The following CABLES1 variants were observed in gnomAD, a reference collection of about 807,000 sequenced individuals.
The protein encoded by CABLES1 is Cdk5 and Abl enzyme substrate 1, also known as CDK5 and ABL1 enzyme substrate 1.
In CABLES1, 36 loss-of-function variants were observed where a neutral mutation model predicts 57.8. The ratio of observed to expected loss-of-function variants is 0.62; its 90% CI spans 0.48 to 0.82. CABLES1 has a LOEUF of 0.82. Among genes scored for constraint, CABLES1 ranks in the 40% least tolerant of loss-of-function variants. The probability of loss-of-function intolerance (pLI) is 0.00; values close to 1 mark genes in which losing one functional copy is unlikely to be tolerated. For synonymous variants in CABLES1, 374 were observed against 363.0 expected (o/e 1.03, Z -0.35); for missense variants, 767 against 836.6 (o/e 0.92, Z 1.03).
chr18:23,148,379 C>A (rs1200135148), intron 1 of CABLES1, among the ~76,000 whole-genome samples: 2 of 152,162 alleles, frequency 1.3e-5, no homozygotes, highest in Non-Finnish European at 2.9e-5. Flanking sequence ...GAGTTGGGTG[C>A]TACGTGGGTG....
intron 1 of CABLES1, among the ~76,000 whole-genome samples, chr18:23,183,526 C>T (rs1039778831): frequency 2.0e-4 from 30 of 152,192 alleles, no homozygotes; most frequent in African/African-American, 7.2e-4. Flanking sequence ...CTGCCTTACG[C>T]ATGAGCATTA....
chr18:23,181,747 A>G (rs181378331), intron 1 of CABLES1, among the ~76,000 whole-genome samples: 14 of 152,296 alleles, frequency 9.2e-5, no homozygotes, highest in Admixed American at 2.6e-4. Context: ...GCTCACTTCT[A>G]GGGTGTTTCC....
intron 1 of CABLES1, among the ~76,000 whole-genome samples, chr18:23,174,971 C>T (rs1052931216): frequency 2.0e-5 from 3 of 151,270 alleles, no homozygotes; most frequent in Non-Finnish European, 4.4e-5. Context: ...CTCACGCTGC[C>T]GCCTAAGTTG....
At chr18:23,187,599 A>G (rs1598818675) in intron 1 of CABLES1, among the ~76,000 whole-genome samples, 1 of 152,036 alleles carries the variant, frequency 6.6e-6, no homozygotes, top group South Asian at 2.1e-4. Flanking sequence ...GTTGGCCAGG[A>G]TGGTCTCAAA....
In CABLES1 at chr18:23,225,163, G is replaced by A. The variant is rs529109005; in HGVS notation, c.1089-9445G>A. ...ATTACAGGTGTGAGCCACCGTGCCC[G>A]GCCATCACAGAGCTATTATGTTGCT... On this transcript the variant is annotated intron_variant, in intron 4 of 9. Coordinates refer to ENST00000256925, the MANE Select transcript of CABLES1 (RefSeq NM_001100619.3). Among the ~76,000 whole-genome samples the A allele has an allele frequency of 1.1e-4, 16 of 152,252 alleles. No individual in the cohort carries two copies. In the South Asian group the frequency reaches 2.5e-3, roughly 24 times the overall value.
intron 4 of CABLES1, among the ~76,000 whole-genome samples, chr18:23,220,926 C>T (rs1026797812): frequency 6.6e-6 from 1 of 152,122 alleles, no homozygotes. Flanking sequence ...GTGAAATTCT[C>T]CTGGTGTCTG....
chr18:23,199,458 A>T (rs965963241), intron 3 of CABLES1, among the ~76,000 whole-genome samples: 2 of 152,238 alleles, frequency 1.3e-5, no homozygotes, highest in African/African-American at 4.8e-5. Flanking sequence ...CCAGTGTCTC[A>T]GCAGATGCAT....
chr18:23,242,013 C>T (rs879514799), intron 7 of CABLES1, among the ~76,000 whole-genome samples: 3 of 152,164 alleles, frequency 2.0e-5, no homozygotes, highest in Non-Finnish European at 2.9e-5. Flanking sequence ...CAGTGGCTCA[C>T]GCCTGTAATC....
intron 3 of CABLES1, among the ~76,000 whole-genome samples, chr18:23,200,858 G>C (rs73968821): frequency 7.5e-4 from 114 of 152,348 alleles, no homozygotes; most frequent in African/African-American, 2.5e-3. Context: ...AGTTTCTGCA[G>C]GTGGCTGAAA....
At chr18:23,216,859 CCTT>C (rs916470530) in intron 4 of CABLES1, among the ~76,000 whole-genome samples, 3 of 152,234 alleles carry the variant, frequency 2.0e-5, no homozygotes, top group East Asian at 1.9e-4. Flanking sequence ...GCCTGGGTCT[CCTT>C]CTTGCTGCTT....
chr18:23,147,326 C>G (rs182938219), intron 1 of CABLES1, among the ~76,000 whole-genome samples: 1 of 152,356 alleles, frequency 6.6e-6, no homozygotes, highest in East Asian at 1.9e-4. Flanking sequence ...TTGGACAACA[C>G]GCTTAACCAC....
chr18:23,197,169 TAAA>T (rs2047290222), intron 3 of CABLES1: 1 of 152,154 alleles, frequency 6.6e-6, no homozygotes, highest in Non-Finnish European at 1.5e-5. Flanking sequence ...CCAGATATAA[TAAA>T]AGACAATACT....
chr18:23,256,265 T>C (rs1205923233), intron 9 of CABLES1, among the ~76,000 whole-genome samples: 1 of 152,236 alleles, frequency 6.6e-6, no homozygotes, highest in Non-Finnish European at 1.5e-5. Context: ...TTCTCCTTCC[T>C]TTCCAGCTCC....
At chr18:23,141,856 C>CT (rs776404529) in intron 1 of CABLES1, among the ~76,000 whole-genome samples, 1 of 151,732 alleles carries the variant, frequency 6.6e-6, no homozygotes, top group East Asian at 1.9e-4. Flanking sequence ...GATGCCTGGA[C>CT]TTTTTTTCTC....
intron 1 of CABLES1, among the ~76,000 whole-genome samples, chr18:23,177,655 C>T (rs558356005): frequency 2.0e-5 from 3 of 152,084 alleles, no homozygotes; most frequent in South Asian, 2.1e-4. Flanking sequence ...TATGCCTCAC[C>T]GAGTCCCAGT....
chr18:23,224,786 G>A (rs773063368), intron 4 of CABLES1, among the ~76,000 whole-genome samples: 6 of 151,962 alleles, frequency 3.9e-5, no homozygotes, highest in Non-Finnish European at 7.4e-5. Flanking sequence ...AGCCAGGATG[G>A]TCTCGATCTC....
chr18:23,203,661 C>T (rs1369174238), intron 3 of CABLES1, among the ~76,000 whole-genome samples: 1 of 150,534 alleles, frequency 6.6e-6, no homozygotes, highest in Non-Finnish European at 1.5e-5. Flanking sequence ...AGCTGTCGGC[C>T]TAATTTAGTT....
At chr18:23,139,008 A>C (rs2046840898) in intron 1 of CABLES1, among the ~76,000 whole-genome samples, 1 of 152,174 alleles carries the variant, frequency 6.6e-6, no homozygotes, top group African/African-American at 2.4e-5. Flanking sequence ...ATACAAATTA[A>C]ATTTCGACAA....
chr18:23,249,713 T>G (rs954442045), intron 7 of CABLES1, among the ~76,000 whole-genome samples: 1 of 152,144 alleles, frequency 6.6e-6, no homozygotes, highest in Non-Finnish European at 1.5e-5. Flanking sequence ...TTGAGTGACT[T>G]TCTCCCTGTT....
Sources: allele counts gnomAD v4.1 joint callset (sites outside exome capture counted in the v4.1 genomes callset), GRCh38; gene constraint gnomAD v4.1.1; transcripts MANE v1.5; gene names NCBI Gene and HGNC (gene_info 2026-07-23, HGNC 2026-07-21).